The following MICAL3 variants were observed in gnomAD, a reference collection of about 807,000 sequenced individuals.
MICAL3 encodes the protein [F-actin]-monooxygenase MICAL3.
A neutral mutation model predicts 207.4 loss-of-function variants in MICAL3; 62 were observed. The observed-to-expected ratio is 0.30, with a 90% confidence interval of 0.24 to 0.37. The LOEUF (loss-of-function observed/expected upper bound fraction) is 0.37. Among genes scored for constraint, MICAL3 ranks in the 10% least tolerant of loss-of-function variants. MICAL3 has a pLI of 1.00. For missense variants in MICAL3, 2,368 were observed against 2,635.6 expected, an observed-to-expected ratio of 0.90 and a Z score of 2.22; for synonymous variants, 1,077 against 1,069.3, an observed-to-expected ratio of 1.01 and a Z score of -0.14.
At chr22:17,958,051 T>G (rs150448967) in intron 1 of MICAL3, among the ~76,000 whole-genome samples, 78 of 152,330 alleles carry the variant, frequency 5.1e-4, no homozygotes, top group Middle Eastern at 3.4e-3. Flanking sequence ...ACTGACCCAA[T>G]GAGTTGGCAT....
chr22:17,931,327 G>A (rs1933253772), intron 1 of MICAL3, among the ~76,000 whole-genome samples: 1 of 152,170 alleles, frequency 6.6e-6, no homozygotes, highest in Non-Finnish European at 1.5e-5. Flanking sequence ...CCCCACAAGG[G>A]TATCGCATAA....
intron 1 of MICAL3, among the ~76,000 whole-genome samples, chr22:17,922,983 A>G (rs1261625778): frequency 6.6e-6 from 1 of 152,106 alleles, no homozygotes; most frequent in African/African-American, 2.4e-5. Flanking sequence ...GGCATGATTC[A>G]TCAGTGGATC....
intron 28 of MICAL3, 110 bp from the exon 29 acceptor site, chr22:17,809,047 G>A: frequency 1.1e-6 from 1 of 932,012 alleles, no homozygotes. Flanking sequence ...CTCTGGAAAG[G>A]GCTCTAGTCT....
At chr22:17,941,963 G>A (rs543851512) in intron 1 of MICAL3, among the ~76,000 whole-genome samples, 6 of 152,314 alleles carry the variant, frequency 3.9e-5, no homozygotes, top group South Asian at 2.1e-4. Context: ...ACCTTCAAGC[G>A]GGCCTTCTCC....
chr22:17,852,430 G>C (rs536840123), intron 19 of MICAL3, among the ~76,000 whole-genome samples: 1 of 152,294 alleles, frequency 6.6e-6, no homozygotes, highest in South Asian at 2.1e-4. Flanking sequence ...GCCTGGAAGA[G>C]AATCATTAGT....
intron 1 of MICAL3, among the ~76,000 whole-genome samples, chr22:17,994,993 T>C (rs1483327870): frequency 1.3e-5 from 2 of 151,972 alleles, no homozygotes; most frequent in Non-Finnish European, 2.9e-5. Flanking sequence ...CCCTCACACA[T>C]AACACACATG....
At chr22:17,876,981 AGGGAGG>A (rs1928590306) in intron 16 of MICAL3, 2 of 131,366 alleles carry the variant, frequency 1.5e-5, no homozygotes, top group African/African-American at 3.3e-5. Flanking sequence ...TATGGAGGTT[AGGGAGG>A]TTAGGGAGGT....
chr22:17,810,772 G>T lies in MICAL3; in HGVS notation c.5487C>A (p.Thr1829=), dbSNP rs1233160491. 6.2e-7 allele frequency: 1 copy of T among 1,613,848 alleles called. No homozygotes were observed. Among genetic ancestry groups the T allele is most frequent in the East Asian group, 2.2e-5 (1 of 44,884 alleles). Residue 1829 remains threonine (T), a synonymous_variant, in exon 28 of 32, where the codon ACC becomes ACA. Transcript: ENST00000441493. ...TCCGAGCTGCCTTTTGCACACGCCGGGTCAGCTTGGCATTCAGTTCCTCCT... is the reference window on the plus strand; with the variant it reads ...TCCGAGCTGCCTTTTGCACACGCCGTGTCAGCTTGGCATTCAGTTCCTCCT... ...YTEEELNAKL[T]RRVQKAARRQ...
intron 13 of MICAL3, among the ~76,000 whole-genome samples, chr22:17,888,798 G>A (rs1930146707): frequency 6.6e-6 from 1 of 152,190 alleles, no homozygotes; most frequent in African/African-American, 2.4e-5. Context: ...GCACAGGAAC[G>A]ATTTCTGCAT....
chr22:17,805,046 C>T (rs923121429), intron 29 of MICAL3, among the ~76,000 whole-genome samples: 5 of 152,212 alleles, frequency 3.3e-5, no homozygotes, highest in Admixed American at 6.5e-5. Flanking sequence ...TGCTAGAGCG[C>T]TTCTCTGGAA....
At position 17,902,607 on chromosome 22, in the gene MICAL3, C is replaced by T; in HGVS notation, c.589+24G>A. On this transcript the variant is annotated intron_variant, in intron 4 of 31. Transcript: ENST00000441493. This position sits in a 1 kb window ranked among gnomAD's most constrained non-coding sequence, Gnocchi z 4.5. ...ACCCATCAACACCCTCTCACGCCTTCTTCACTCCTCCAGTATAACTTACGT... is the reference window on the plus strand; with the variant it reads ...ACCCATCAACACCCTCTCACGCCTTTTTCACTCCTCCAGTATAACTTACGT... 1 of 1,426,590 alleles carries T rather than the reference C, an allele frequency of 7.0e-7. No homozygotes were observed. Among genetic ancestry groups the T allele is most frequent in the Admixed American group, 1.9e-5 (1 of 53,832 alleles). 88.4% of individuals were successfully genotyped at this position (1,426,590 alleles called of 1,614,324 possible). A position where few individuals can be genotyped will look rare whatever the true frequency, so the allele number is the denominator to read the frequency against.
intron 1 of MICAL3, among the ~76,000 whole-genome samples, chr22:17,995,760 C>T (rs1169516671): frequency 6.6e-6 from 1 of 152,012 alleles, no homozygotes; most frequent in African/African-American, 2.4e-5. Context: ...CTGCCCACCT[C>T]GGCCTCTCAA....
At chr22:17,807,818 C>T (rs2062003442) in intron 29 of MICAL3, among the ~76,000 whole-genome samples, 1 of 152,226 alleles carries the variant, frequency 6.6e-6, no homozygotes, top group South Asian at 2.1e-4. Context: ...CCAGTTCGTC[C>T]ATTTCACAGA....
At chr22:18,002,138 C>T (rs777155817) in intron 1 of MICAL3, among the ~76,000 whole-genome samples, 11 of 151,276 alleles carry the variant, frequency 7.3e-5, no homozygotes, top group Non-Finnish European at 1.3e-4. Context: ...GCGGAAGTTG[C>T]AGTGAGCCGA....
At chr22:17,982,114 A>T (rs115804649) in intron 1 of MICAL3, among the ~76,000 whole-genome samples, 79 of 82,112 alleles carry the variant, frequency 9.6e-4, no homozygotes, top group African/African-American at 4.3e-3. Flanking sequence ...CAAAAAATAA[A>T]AAAAAAAAAA....
intron 26 of MICAL3, 23 bp downstream of exon 26, chr22:17,817,288 C>T (rs550587734): frequency 7.0e-6 from 11 of 1,562,802 alleles, no homozygotes; most frequent in East Asian, 4.7e-5. Flanking sequence ...TCTGCCTGCA[C>T]GCGGACCCGG....
intron 25 of MICAL3, among the ~76,000 whole-genome samples, chr22:17,820,940 A>ATGTTTATAAACATAAATTTTAATAAATT (rs1921548737): frequency 2.1e-5 from 3 of 141,564 alleles, no homozygotes; most frequent in African/African-American, 8.1e-5. Context: ...TAATAAATTT[A>ATGTTTATAAACATAAATTTTAATAAATT]TGTTTATAAA....
At chr22:17,995,312 G>A (rs1391664150) in intron 1 of MICAL3, among the ~76,000 whole-genome samples, 1 of 151,672 alleles carries the variant, frequency 6.6e-6, no homozygotes, top group Non-Finnish European at 1.5e-5. Flanking sequence ...GAGCAGCTGC[G>A]ACTATAGGTG....
rs559998329 is a variant in MICAL3 at position 17,880,725 on chromosome 22, A to G, written c.2241+5153T>C. Among the ~76,000 whole-genome samples the G allele has an allele frequency of 2.6e-5, 4 of 152,298 alleles. No individual in the cohort carries two copies. The East Asian group carries it at 5.8e-4, about 22-fold the overall frequency. On this transcript the variant is annotated intron_variant, in intron 16 of 31. Coordinates refer to ENST00000441493, the MANE Select transcript of MICAL3 (RefSeq NM_015241.3). The stretch of plus-strand genomic sequence containing the variant: ...AATGCTGTGCCTGGCGTGCAAGTGC[A>G]GTGGGGAGGAGTGTTTGTTGGAAGA...
Sources: gnomAD v4.1 joint callset for allele counts (sites outside exome capture counted in the v4.1 genomes callset) on GRCh38, gnomAD v4.1.1 for gene constraint, Gnocchi (gnomAD v3.1) non-coding constraint, MANE v1.5 for transcripts, NCBI Gene and HGNC (gene_info 2026-07-23, HGNC 2026-07-21) for gene names.